The following MFSD11 variants were observed in gnomAD, a reference collection of about 807,000 sequenced individuals.
MFSD11 encodes the protein major facilitator superfamily domain containing 11.
MFSD11 carries 36 observed loss-of-function variants against 53.5 expected under a neutral mutation model. The observed-to-expected ratio is 0.67, with a 90% CI of 0.52 to 0.89. The LOEUF is 0.89. Ranked by LOEUF, MFSD11 falls within the 40% of genes least tolerant of loss-of-function variation. The pLI, the probability that MFSD11 is intolerant of heterozygous loss-of-function variation, is 0.00. For synonymous variants in MFSD11, 186 were observed against 184.9 expected, an observed-to-expected ratio of 1.01 and a Z score of -0.05; for missense variants, 530 against 543.9, an observed-to-expected ratio of 0.97 and a Z score of 0.25.
chr17:76,763,542 G>A (rs779824362), intron 8 of MFSD11, among the ~76,000 whole-genome samples: 14 of 152,042 alleles, frequency 9.2e-5, no homozygotes, highest in Non-Finnish European at 1.9e-4. Context: ...GGGATTACAG[G>A]CGTGAGCCAC....
At chr17:76,759,756 C>CTTTTTTT (rs1159131964) in intron 8 of MFSD11, among the ~76,000 whole-genome samples, 81 of 27,014 alleles carry the variant, frequency 3.0e-3, no homozygotes, top group Non-Finnish European at 3.7e-3. Context: ...CGTGACCGGC[C>CTTTTTTT]TTTTTTTTTT....
intron 7 of MFSD11, among the ~76,000 whole-genome samples, chr17:76,747,523 C>T (rs370687924): frequency 6.6e-5 from 10 of 151,774 alleles, no homozygotes; most frequent in African/African-American, 9.7e-5. Context: ...TTAGTAGAGA[C>T]GGGGCTTCAC....
the MFSD11 span, among the ~76,000 whole-genome samples, chr17:76,793,899 AG>A: frequency 6.6e-6 from 1 of 151,220 alleles, no homozygotes; most frequent in Non-Finnish European, 1.5e-5. Flanking sequence ...ATTGGGACAA[AG>A]ATTCAGTCTG....
chr17:76,771,602 T>G (rs994347899), intron 10 of MFSD11, among the ~76,000 whole-genome samples: 1 of 152,220 alleles, frequency 6.6e-6, no homozygotes, highest in Non-Finnish European at 1.5e-5. Flanking sequence ...TTGGAGGGTT[T>G]GTTTGTTTTT....
chr17:76,736,674 G>C, upstream of MFSD11: 2 of 1,232,624 alleles, frequency 1.6e-6, no homozygotes, highest in Non-Finnish European at 2.1e-6. Flanking sequence ...AGGGTCGCGA[G>C]ACGCGGCGTG....
intron 12 of MFSD11, 102 bp from the exon 13 acceptor site, chr17:76,778,086 T>G: frequency 8.9e-7 from 1 of 1,118,850 alleles, no homozygotes; most frequent in Non-Finnish European, 1.3e-6. Context: ...GCACTGTGAG[T>G]TCCAGGTGTC....
chr17:76,787,547 A>T, the MFSD11 span, among the ~76,000 whole-genome samples: 3 of 150,364 alleles, frequency 2.0e-5, 1 homozygote, highest in Non-Finnish European at 4.5e-5. Context: ...CTAAGTGTCT[A>T]GTTCTGTTAC....
At chr17:76,763,867 T>G (rs2080534729) in intron 8 of MFSD11, among the ~76,000 whole-genome samples, 2 of 151,588 alleles carry the variant, frequency 1.3e-5, no homozygotes, top group South Asian at 2.1e-4. Context: ...TGTTTTTGTT[T>G]TTGTTTTTTT....
chr17:76,749,290 G>A (rs1433562110), intron 7 of MFSD11, among the ~76,000 whole-genome samples: 1 of 151,950 alleles, frequency 6.6e-6, no homozygotes, highest in Non-Finnish European at 1.5e-5. Context: ...TTGGGAGGCC[G>A]AGACAGGCGG....
At chr17:76,756,478 T>A (rs76730515) in intron 8 of MFSD11, among the ~76,000 whole-genome samples, 3,781 of 152,300 alleles carry the variant, frequency 0.025, 157 homozygotes, top group African/African-American at 0.085. Context: ...AAAAGGATTA[T>A]ACTCTGACTC....
At position 76,762,499 on chromosome 17, in the gene MFSD11, T is replaced by C. The variant is rs546104883; in HGVS notation, c.683-4887T>C. Among the ~76,000 whole-genome samples the C allele has an allele frequency of 2.0e-4, 31 of 152,184 alleles. No homozygotes were observed. In the East Asian group the frequency reaches 2.1e-3, roughly 10 times the overall value. ...GGCTAACACGGTGAAACCCCGTCTCTACTAAAAATACAAAAAAATTAGCCA... is the reference window on the plus strand; with the variant it reads ...GGCTAACACGGTGAAACCCCGTCTCCACTAAAAATACAAAAAAATTAGCCA... On this transcript the variant is annotated intron_variant, in intron 8 of 12. Coordinates refer to ENST00000685175, the MANE Select transcript of MFSD11 (RefSeq NM_001242532.5).
intron 10 of MFSD11, chr17:76,773,055 T>C (rs2081508673): frequency 6.6e-6 from 1 of 152,316 alleles, no homozygotes; most frequent in African/African-American, 2.4e-5. Context: ...ATACCACTAA[T>C]CCTCTTGGCT....
At chr17:76,768,479 AT>A (rs2081075754) in intron 9 of MFSD11, among the ~76,000 whole-genome samples, 1 of 152,140 alleles carries the variant, frequency 6.6e-6, no homozygotes, top group Non-Finnish European at 1.5e-5. Context: ...GATACAACAT[AT>A]TTTTAGGTGA....
rs1304997193 is a variant in MFSD11, at chr17:76,775,027, A to C, written c.905A>C (p.Asn302Thr). The C allele has an allele frequency of 6.2e-7, 1 of 1,614,060 alleles. No individual in the cohort carries two copies. The highest frequency in any genetic ancestry group is 2.2e-5 in the East Asian group (1 of 44,882). Reference protein sequence around the residue: ...GGSLFGLLSKNNRFGRNPVVL... With the variant: ...GGSLFGLLSKTNRFGRNPVVL... ...AGCCTCTTCGGCCTGCTGAGCAAGA[A>C]CAATCGTTTTGGTAGAAATCCAGTT... The change falls in exon 11 of 13, where the codon AAC (asparagine) becomes ACC (threonine). Residue 302 changes from asparagine (N) to threonine (T), a missense_variant. By Grantham distance (65) the Asn-to-Thr change is moderately conservative. Coordinates refer to ENST00000685175, the MANE Select transcript of MFSD11 (RefSeq NM_001242532.5).
intron 3 of MFSD11, among the ~76,000 whole-genome samples, chr17:76,741,348 G>GA (rs2078064124): frequency 6.6e-6 from 1 of 152,192 alleles, no homozygotes; most frequent in African/African-American, 2.4e-5. Context: ...TCAATTGACT[G>GA]AAAATATGTG....
At chr17:76,759,329 C>T (rs1251828188) in intron 8 of MFSD11, among the ~76,000 whole-genome samples, 1 of 151,924 alleles carries the variant, frequency 6.6e-6, no homozygotes. Context: ...GTCACCCAGG[C>T]TGGAGTGCAG....
At position 76,770,274 on chromosome 17, in the gene MFSD11, A is replaced by G. The variant is rs1315693654; in HGVS notation, c.874+403A>G. On this transcript the variant is annotated intron_variant, in intron 10 of 12. Coordinates refer to ENST00000685175, the MANE Select transcript of MFSD11 (RefSeq NM_001242532.5). The stretch of plus-strand genomic sequence containing the variant: ...AGGATGGTCTCGATCTCCTGACCTC[A>G]TGATCCGCCCACCTCGGCCTCCCAA... 4.6e-5 allele frequency among the ~76,000 whole-genome samples: 7 copies of G among 151,874 alleles called. No individual in the cohort carries two copies. The East Asian group carries it at 1.4e-3, about 29-fold the overall frequency.
chr17:76,794,841 C>G, the MFSD11 span, among the ~76,000 whole-genome samples: 8 of 150,994 alleles, frequency 5.3e-5, no homozygotes, highest in Non-Finnish European at 7.4e-5. Flanking sequence ...TACAGGTGCC[C>G]GTCACCATGC....
intron 8 of MFSD11, among the ~76,000 whole-genome samples, chr17:76,758,738 C>T (rs553915759): frequency 1.3e-5 from 2 of 152,052 alleles, no homozygotes; most frequent in African/African-American, 4.8e-5. Context: ...TATAAACACT[C>T]CAGTAGAAAA....
Sources: allele counts gnomAD v4.1 joint callset (sites outside exome capture counted in the v4.1 genomes callset), GRCh38; gene constraint gnomAD v4.1.1; transcripts MANE v1.5; gene names NCBI Gene and HGNC (gene_info 2026-07-23, HGNC 2026-07-21).